Variants in HMGCLL1 observed in about 807,000 individuals in gnomAD.
HMGCLL1 encodes 3-hydroxy-3-methylglutaryl-CoA lyase like 1, also known as 3-hydroxymethyl-3-methylglutaryl-CoA lyase, cytoplasmic.
HMGCLL1 carries 36 observed loss-of-function variants against 39.1 expected under a neutral mutation model. The ratio of observed to expected loss-of-function variants is 0.92; its 90% CI spans 0.71 to 1.22. The LOEUF (loss-of-function observed/expected upper bound fraction) is 1.22, where lower values mean the gene tolerates loss of function less well. Among genes scored for constraint, HMGCLL1 ranks in the 50% most tolerant of loss-of-function variants. The pLI is 0.00. For synonymous variants in HMGCLL1, 149 were observed against 144.0 expected (o/e 1.03, Z -0.25); for missense variants, 451 against 416.5 (o/e 1.08, Z -0.72).
At chr6:55,599,363 C>A in the HMGCLL1 span, among the ~76,000 whole-genome samples, 1 of 152,016 alleles carries the variant, frequency 6.6e-6, no homozygotes, top group Non-Finnish European at 1.5e-5. Flanking sequence ...AGATATAAGC[C>A]AGCATTTTCC....
chr6:55,614,826 C>T, the HMGCLL1 span, among the ~76,000 whole-genome samples: 7 of 152,198 alleles, frequency 4.6e-5, no homozygotes, highest in African/African-American at 1.7e-4. Flanking sequence ...GCAACAGCAA[C>T]AATATTCTGA....
the HMGCLL1 span, among the ~76,000 whole-genome samples, chr6:55,640,986 G>A: frequency 6.6e-6 from 1 of 151,594 alleles, no homozygotes; most frequent in African/African-American, 2.4e-5. Flanking sequence ...ATGAAAGAGT[G>A]GGTGAAAGAA....
At chr6:55,650,090 CATATATATAT>C in the HMGCLL1 span, among the ~76,000 whole-genome samples, 3,050 of 52,134 alleles carry the variant, frequency 0.059, 175 homozygotes, top group Middle Eastern at 0.15. Context: ...CACACATATA[CATATATATAT>C]ATATATATAT....
At chr6:55,449,181 A>C (rs964899857) in intron 7 of HMGCLL1, among the ~76,000 whole-genome samples, 1 of 152,198 alleles carries the variant, frequency 6.6e-6, no homozygotes, top group Admixed American at 6.5e-5. Context: ...GTTTATTACC[A>C]AAAATCTGTT....
chr6:55,505,395 A>G (rs1375311391), intron 5 of HMGCLL1, among the ~76,000 whole-genome samples: 1 of 151,750 alleles, frequency 6.6e-6, no homozygotes, highest in Non-Finnish European at 1.5e-5. Context: ...ATTAAGATCT[A>G]TAAACATAGG....
At chr6:55,459,737 A>G (rs1014095410) in intron 7 of HMGCLL1, among the ~76,000 whole-genome samples, 1 of 152,116 alleles carries the variant, frequency 6.6e-6, no homozygotes, top group Non-Finnish European at 1.5e-5. Flanking sequence ...GATGCTCACT[A>G]GAATAAGTTT....
At chr6:55,558,005 T>C (rs557559091) in intron 1 of HMGCLL1, among the ~76,000 whole-genome samples, 1 of 152,262 alleles carries the variant, frequency 6.6e-6, no homozygotes, top group South Asian at 2.1e-4. Context: ...GGTTGAAAAC[T>C]AGCTACAGAA....
chr6:55,672,822 T>C, the HMGCLL1 span, among the ~76,000 whole-genome samples: 1 of 151,978 alleles, frequency 6.6e-6, no homozygotes, highest in Non-Finnish European at 1.5e-5. Flanking sequence ...CACTTCTGCA[T>C]GTGTGAAGTA....
rs181880690 is a variant in HMGCLL1, at chr6:55,495,558, T to C, written c.656A>G (p.Asp219Gly). Residue 219 changes from aspartate to glycine, a missense_variant, in exon 7 of 9, where the codon GAC becomes GGC. By Grantham distance (94) the Asp-to-Gly change is moderately conservative. Transcript: ENST00000274901. Reference protein sequence around the residue: ...GMGCYEISLGDTIGVGTPGSM... With the variant: ...GMGCYEISLGGTIGVGTPGSM... ...TCCTGGAGTTCCCACTCCAATTGTG[T>C]CTCCTAGAGAGATCTCATAACAACC... 4.4e-5 allele frequency: 71 copies of C among 1,613,412 alleles called. No individual in the cohort carries two copies. The East Asian group carries it at 1.5e-3, about 34-fold the overall frequency.
At chr6:55,484,278 A>C (rs1561910007) in intron 7 of HMGCLL1, among the ~76,000 whole-genome samples, 1 of 151,974 alleles carries the variant, frequency 6.6e-6, no homozygotes, top group Non-Finnish European at 1.5e-5. Context: ...CTAGGGCTCA[A>C]GACTCTCAGT....
intron 1 of HMGCLL1, among the ~76,000 whole-genome samples, chr6:55,553,920 C>T (rs1477158811): frequency 6.6e-6 from 1 of 152,180 alleles, no homozygotes; most frequent in Non-Finnish European, 1.5e-5. Flanking sequence ...GCTCAAAACA[C>T]TTTGGAGACA....
At chr6:55,474,785 A>G (rs931566634) in intron 7 of HMGCLL1, among the ~76,000 whole-genome samples, 4 of 151,596 alleles carry the variant, frequency 2.6e-5, no homozygotes, top group African/African-American at 9.7e-5. Context: ...TTATCTGGCT[A>G]GGAGTTTGGT....
the HMGCLL1 span, among the ~76,000 whole-genome samples, chr6:55,607,398 G>A: frequency 6.6e-6 from 1 of 152,120 alleles, no homozygotes; most frequent in Non-Finnish European, 1.5e-5. Context: ...AGGTAATGTG[G>A]TGGATGCTAT....
chr6:55,537,782 C>T (rs1769115914), intron 3 of HMGCLL1, among the ~76,000 whole-genome samples: 1 of 152,190 alleles, frequency 6.6e-6, no homozygotes, highest in Non-Finnish European at 1.5e-5. Context: ...CACTTCCTCT[C>T]ACCACAGCTG....
chr6:55,515,210 G>A lies in HMGCLL1; in HGVS notation c.394-1014C>T, dbSNP rs532130057. 2.2e-3 allele frequency among the ~76,000 whole-genome samples: 328 copies of A among 149,530 alleles called. 2 individuals are homozygous for A. Among genetic ancestry groups the A allele is most frequent in the African/African-American group, 7.5e-3 (306 of 40,580 alleles). On this transcript the variant is annotated intron_variant, in intron 4 of 8. Transcript: ENST00000274901. ...GGAGGTTGCAGTGAATCAAGATCAC[G>A]CCACTGCACTCCAGCCTGGCGACAG...
At chr6:55,654,057 C>T in the HMGCLL1 span, among the ~76,000 whole-genome samples, 1 of 151,982 alleles carries the variant, frequency 6.6e-6, no homozygotes, top group Non-Finnish European at 1.5e-5. Context: ...ATCTAATTAT[C>T]AGCTTGGGAT....
intron 4 of HMGCLL1, among the ~76,000 whole-genome samples, chr6:55,516,268 A>G (rs539264667): frequency 6.6e-6 from 1 of 152,290 alleles, no homozygotes; most frequent in African/African-American, 2.4e-5. Flanking sequence ...TTCACAAAAA[A>G]ATGCAGAATT....
At chr6:55,525,827 C>A (rs12209478) in intron 3 of HMGCLL1, among the ~76,000 whole-genome samples, 1 of 151,784 alleles carries the variant, frequency 6.6e-6, no homozygotes, top group African/African-American at 2.4e-5. Context: ...CTCCTCCCTG[C>A]GGTGAGGAGT....
At chr6:55,629,802 G>T in the HMGCLL1 span, among the ~76,000 whole-genome samples, 1 of 152,158 alleles carries the variant, frequency 6.6e-6, no homozygotes, top group Non-Finnish European at 1.5e-5. Flanking sequence ...AGCCTTGGCT[G>T]CTTCCACATG....
Sources: gnomAD v4.1 joint callset for allele counts (sites outside exome capture counted in the v4.1 genomes callset) on GRCh38, gnomAD v4.1.1 for gene constraint, MANE v1.5 for transcripts, NCBI Gene and HGNC (gene_info 2026-07-23, HGNC 2026-07-21) for gene names.